The following MRTFB variants were observed in gnomAD, a reference collection of about 807,000 sequenced individuals.
MRTFB encodes the protein myocardin-related transcription factor B.
Under a neutral mutation model 104.2 loss-of-function variants are expected in MRTFB, and 29 were observed. That is an observed-to-expected ratio of 0.28 (90% confidence interval 0.21 to 0.38). MRTFB has a LOEUF of 0.38. MRTFB is among the 10% of genes least tolerant of loss of function. The probability of loss-of-function intolerance (pLI) is 1.00; values close to 1 mark genes in which losing one functional copy is unlikely to be tolerated. For synonymous variants in MRTFB, 535 were observed against 519.5 expected, an observed-to-expected ratio of 1.03 and a Z score of -0.41; for missense variants, 1,270 against 1,341.6, an observed-to-expected ratio of 0.95 and a Z score of 0.83.
intron 15 of MRTFB, among the ~76,000 whole-genome samples, chr16:14,252,940 G>C (rs988146240): frequency 2.6e-5 from 4 of 152,092 alleles, no homozygotes; most frequent in Non-Finnish European, 5.9e-5. Context: ...GTCTCTCTCT[G>C]GTCTCCAGCA....
chr16:14,234,653 G>T (rs1277698659), intron 9 of MRTFB, among the ~76,000 whole-genome samples: 3 of 152,144 alleles, frequency 2.0e-5, no homozygotes, highest in Non-Finnish European at 4.4e-5. Flanking sequence ...AAGTTAGCCA[G>T]AGGTGGTGGT....
the MRTFB span, among the ~76,000 whole-genome samples, chr16:14,004,010 G>A: frequency 1.3e-5 from 2 of 151,132 alleles, no homozygotes; most frequent in Admixed American, 6.6e-5. Context: ...TCCATAATGC[G>A]GGTTTGTGAG....
At position 14,221,874 on chromosome 16, in the gene MRTFB, C is replaced by T. The variant is rs148540600; in HGVS notation, c.693+2876C>T. ...TCAGCTTACTACAACCTCTGCCTCC[C>T]GGGTTCAAGCGATTCTCCCGCTTCA... On this transcript the variant is annotated intron_variant, in intron 8 of 16. Coordinates refer to ENST00000571589, the MANE Select transcript of MRTFB (RefSeq NM_001308142.2). 1.4e-3 allele frequency among the ~76,000 whole-genome samples: 207 copies of T among 149,992 alleles called. 1 individual carries two copies. The highest frequency in any genetic ancestry group is 4.8e-3 in the African/African-American group (195 of 40,610).
intron 7 of MRTFB, 61 bp downstream of exon 7, chr16:14,217,348 A>G: frequency 6.9e-7 from 1 of 1,447,468 alleles, no homozygotes. Flanking sequence ...TTTTAGATAA[A>G]ACAAATATAA....
the MRTFB span, among the ~76,000 whole-genome samples, chr16:14,053,177 C>T: frequency 6.6e-6 from 1 of 152,036 alleles, no homozygotes; most frequent in African/African-American, 2.4e-5. Context: ...CCTCCCACGT[C>T]GACCTCCCAA....
At chr16:14,114,777 A>G (rs2036452749) in intron 2 of MRTFB, among the ~76,000 whole-genome samples, 1 of 152,028 alleles carries the variant, frequency 6.6e-6, no homozygotes, top group African/African-American at 2.4e-5. Flanking sequence ...GCTGCTGTGT[A>G]TTGTCATCAC....
At chr16:14,180,331 A>G (rs950864784) in intron 3 of MRTFB, among the ~76,000 whole-genome samples, 1 of 152,212 alleles carries the variant, frequency 6.6e-6, no homozygotes, top group Non-Finnish European at 1.5e-5. Flanking sequence ...AAGTCTTTCA[A>G]ATATCCATAG....
chr16:14,011,308 T>C, the MRTFB span, among the ~76,000 whole-genome samples: 1 of 152,190 alleles, frequency 6.6e-6, no homozygotes, highest in South Asian at 2.1e-4. Context: ...AGCTGAGCCA[T>C]CATGGGCAAG....
At chr16:14,199,143 C>T (rs763351840) in intron 3 of MRTFB, among the ~76,000 whole-genome samples, 1 of 152,178 alleles carries the variant, frequency 6.6e-6, no homozygotes. Context: ...AGTAGCTCCT[C>T]CAGGGATTAA....
chr16:14,062,379 G>A, the MRTFB span, among the ~76,000 whole-genome samples: 2 of 152,196 alleles, frequency 1.3e-5, no homozygotes, highest in Non-Finnish European at 2.9e-5. Context: ...GATTACAGGC[G>A]TGAGCCACCC....
chr16:14,195,721 G>A (rs999572985), intron 3 of MRTFB: 2 of 250,570 alleles, frequency 8.0e-6, no homozygotes, highest in African/African-American at 2.3e-5. Flanking sequence ...CCATTATAGA[G>A]GGATTCAGAA....
chr16:14,200,806 A>G (rs1218441003), intron 3 of MRTFB: 2 of 1,471,272 alleles, frequency 1.4e-6, no homozygotes. Flanking sequence ...CCTTCAGAGT[A>G]AAAAGTGGTT....
chr16:14,113,997 C>G (rs564117463), intron 2 of MRTFB, among the ~76,000 whole-genome samples: 71 of 152,228 alleles, frequency 4.7e-4, no homozygotes, highest in African/African-American at 1.6e-3. Flanking sequence ...ACATGGGATA[C>G]CAAGAGCCTG....
intron 3 of MRTFB, chr16:14,141,064 G>A: frequency 3.6e-6 from 1 of 280,676 alleles, no homozygotes; most frequent in East Asian, 8.1e-5. Context: ...GTAGGTTCCT[G>A]TGCTGATGCC....
At chr16:14,038,382 G>A in the MRTFB span, among the ~76,000 whole-genome samples, 1 of 152,170 alleles carries the variant, frequency 6.6e-6, no homozygotes, top group African/African-American at 2.4e-5. Flanking sequence ...TTTAGAGGCA[G>A]AGGGGACAAG....
At chr16:14,222,076 G>A (rs1486248368) in intron 8 of MRTFB, among the ~76,000 whole-genome samples, 3 of 151,972 alleles carry the variant, frequency 2.0e-5, no homozygotes, top group Non-Finnish European at 4.4e-5. Context: ...CGCCGCACCT[G>A]GCCCATTTAA....
chr16:14,247,604 G>T, intron 12 of MRTFB, 97 bp downstream of exon 12: 1 of 1,109,632 alleles, frequency 9.0e-7, no homozygotes, highest in Non-Finnish European at 1.3e-6. Flanking sequence ...CCATAAATGC[G>T]TCCAGAGCAG....
At chr16:14,197,407 A>G (rs2040488041) in intron 3 of MRTFB, among the ~76,000 whole-genome samples, 3 of 152,178 alleles carry the variant, frequency 2.0e-5, no homozygotes, top group African/African-American at 4.8e-5. Context: ...TCAGAACAAC[A>G]TAATTACATT....
chr16:14,247,086 A>G lies in MRTFB; in HGVS notation c.1826A>G (p.Gln609Arg), dbSNP rs760488298. ...CAACTTGAGGTTGAAAAACGAGGGCAGCAGCAGCGGCCCCTGGAAGCCCAG... is the reference window on the plus strand; with the variant it reads ...CAACTTGAGGTTGAAAAACGAGGGCGGCAGCAGCGGCCCCTGGAAGCCCAG... The part of the protein sequence containing the change: ...KMQLEVEKRG[Q>R]QQRPLEAQPS... Residue 609 changes from glutamine to arginine, a missense_variant, in exon 12 of 17, where the codon CAG (glutamine) becomes CGG (arginine). Gln to Arg is a conservative substitution (Grantham distance 43). Around this residue, in one of 3 missense-constraint regions of MRTFB, gnomAD observed 1,144 missense variants for 1,131.5 expected, o/e 1.01. Coordinates refer to ENST00000571589, the MANE Select transcript of MRTFB (RefSeq NM_001308142.2). 7.2e-5 allele frequency: 117 copies of G among 1,614,096 alleles called. No homozygotes were observed. In the East Asian group the frequency reaches 1.7e-3, roughly 23 times the overall value.
Sources: allele counts gnomAD v4.1 joint callset (sites outside exome capture counted in the v4.1 genomes callset), GRCh38; gene constraint gnomAD v4.1.1; regional missense constraint gnomAD v4.1.1; transcripts MANE v1.5; gene names NCBI Gene and HGNC (gene_info 2026-07-23, HGNC 2026-07-21).